Variants in ADAMTS17 observed in about 807,000 individuals in gnomAD.
The protein encoded by ADAMTS17 is A disintegrin and metalloproteinase with thrombospondin motifs 17.
In ADAMTS17, 113 loss-of-function variants were observed where a neutral mutation model predicts 141.5. The ratio of observed to expected loss-of-function variants is 0.80; its 90% confidence interval spans 0.69 to 0.93. The LOEUF is 0.93. ADAMTS17 is among the 40% of genes least tolerant of loss of function. The probability of loss-of-function intolerance (pLI) is 0.00; values close to 1 mark genes in which losing one functional copy is unlikely to be tolerated. For missense variants in ADAMTS17, 1,659 were observed against 1,517.9 expected, an observed-to-expected ratio of 1.09 and a Z score of -1.54; for synonymous variants, 768 against 630.6, an observed-to-expected ratio of 1.22 and a Z score of -3.27.
At chr15:100,248,961 G>A (rs538053703) in intron 7 of ADAMTS17, among the ~76,000 whole-genome samples, 1 of 152,206 alleles carries the variant, frequency 6.6e-6, no homozygotes, top group East Asian at 1.9e-4. Context: ...ACCACGCCTG[G>A]CTAATTTTTG....
At chr15:100,023,654 C>T (rs1435040476) in intron 18 of ADAMTS17, among the ~76,000 whole-genome samples, 1 of 152,186 alleles carries the variant, frequency 6.6e-6, no homozygotes, top group Non-Finnish European at 1.5e-5. Context: ...CAAGTCCTTG[C>T]CTTCTCCCTA....
chr15:100,258,510 A>T (rs887062612), intron 6 of ADAMTS17, among the ~76,000 whole-genome samples: 1 of 152,200 alleles, frequency 6.6e-6, no homozygotes, highest in Non-Finnish European at 1.5e-5. Flanking sequence ...AGGCCTCACA[A>T]TCATGGTGGA....
chr15:99,992,915 G>A (rs1045831224), intron 20 of ADAMTS17, 133 bp downstream of exon 20: 1 of 1,146,640 alleles, frequency 8.7e-7, no homozygotes, highest in African/African-American at 1.5e-5. Flanking sequence ...TGCAGCGGGT[G>A]GAAGGAAAAT....
At chr15:100,068,474 C>T (rs1357918051) in intron 15 of ADAMTS17, among the ~76,000 whole-genome samples, 1 of 152,222 alleles carries the variant, frequency 6.6e-6, no homozygotes, top group Non-Finnish European at 1.5e-5. Flanking sequence ...TCCCTGACCC[C>T]TGAGTAGCCT....
rs570428743 is a variant in ADAMTS17 at position 100,164,981 on chromosome 15, C to T, written c.1182-9661G>A. Among the ~76,000 whole-genome samples, 19 of 152,310 alleles carry T rather than the reference C, an allele frequency of 1.2e-4. No individual in the cohort carries two copies. The South Asian group carries it at 3.9e-3, about 32-fold the overall frequency. ...AGGGGATGAAGATGGTGGCCTAGGG[C>T]ACAGCCTCCCATTCTTTTTGGCTCC... On this transcript the variant is annotated intron_variant, in intron 8 of 21. Transcript: ENST00000268070.
At chr15:99,992,953 C>T (rs766076211) in intron 20 of ADAMTS17, 95 bp downstream of exon 20, 16 of 1,496,508 alleles carry the variant, frequency 1.1e-5, no homozygotes, top group East Asian at 2.3e-5. Flanking sequence ...CTGGGACTGC[C>T]GCGTAGAATT....
At chr15:100,021,954 A>C (rs2061414028) in intron 18 of ADAMTS17, among the ~76,000 whole-genome samples, 1 of 152,022 alleles carries the variant, frequency 6.6e-6, no homozygotes, top group Admixed American at 6.6e-5. Flanking sequence ...GGCTCATCTG[A>C]GGCTCTCCAA....
intron 7 of ADAMTS17, among the ~76,000 whole-genome samples, chr15:100,233,750 G>A (rs2042564569): frequency 6.6e-6 from 1 of 152,100 alleles, no homozygotes; most frequent in African/African-American, 2.4e-5. Context: ...AAGAGAGCGA[G>A]TTATGGAGAT....
chr15:99,986,373 T>C (rs2573593), intron 20 of ADAMTS17, among the ~76,000 whole-genome samples: 10,615 of 152,244 alleles, frequency 0.07, 1,105 homozygotes, highest in African/African-American at 0.23. Context: ...ACACATGAAC[T>C]TGACCTCAGA....
At chr15:100,302,739 G>T (rs1294108039) in intron 3 of ADAMTS17, among the ~76,000 whole-genome samples, 1 of 152,182 alleles carries the variant, frequency 6.6e-6, no homozygotes, top group Non-Finnish European at 1.5e-5. Flanking sequence ...AATTTGACTG[G>T]ATTGAAGAAT....
At chr15:100,056,572 T>C (rs1449817862) in intron 15 of ADAMTS17, among the ~76,000 whole-genome samples, 1 of 152,170 alleles carries the variant, frequency 6.6e-6, no homozygotes, top group African/African-American at 2.4e-5. Context: ...TGCGCTCCTA[T>C]GAGAATCTAA....
intron 3 of ADAMTS17, among the ~76,000 whole-genome samples, chr15:100,303,443 C>T (rs1042960841): frequency 6.6e-6 from 1 of 151,454 alleles, no homozygotes; most frequent in African/African-American, 2.4e-5. Context: ...TCCTTTAAGA[C>T]ACAAAAGTTT....
At chr15:100,072,433 G>T (rs1202001674) in intron 15 of ADAMTS17, among the ~76,000 whole-genome samples, 2 of 140,002 alleles carry the variant, frequency 1.4e-5, no homozygotes, top group Non-Finnish European at 3.2e-5. Flanking sequence ...AACCAAAAAA[G>T]AGCCCGCATT....
At chr15:100,292,504 C>T (rs2044678264) in intron 3 of ADAMTS17, among the ~76,000 whole-genome samples, 5 of 150,100 alleles carry the variant, frequency 3.3e-5, no homozygotes. Context: ...GAGACACTCA[C>T]CCCGTGTGAA....
chr15:100,159,046 T>C (rs111235838), intron 8 of ADAMTS17, among the ~76,000 whole-genome samples: 2 of 152,248 alleles, frequency 1.3e-5, no homozygotes, highest in Middle Eastern at 3.4e-3. Context: ...ATAGATGCTA[T>C]GAAAAAAACA....
chr15:100,116,575 C>A (rs1445158048), intron 13 of ADAMTS17, among the ~76,000 whole-genome samples: 1 of 152,236 alleles, frequency 6.6e-6, no homozygotes, highest in African/African-American at 2.4e-5. Flanking sequence ...GGCAGGATGC[C>A]AGCACAGCCT....
chr15:100,245,612 A>G (rs1442745806), intron 7 of ADAMTS17, among the ~76,000 whole-genome samples: 1 of 152,250 alleles, frequency 6.6e-6, no homozygotes, highest in Non-Finnish European at 1.5e-5. Context: ...CCCTGGCAGG[A>G]AGAACAAGAA....
chr15:100,267,806 A>G (rs150208415), intron 4 of ADAMTS17, among the ~76,000 whole-genome samples: 1,734 of 152,334 alleles, frequency 0.011, 18 homozygotes, highest in Non-Finnish European at 0.017. Flanking sequence ...ATACAGGCAT[A>G]CAATGCATAA....
chr15:100,240,236 G>A (rs780100413), intron 7 of ADAMTS17, among the ~76,000 whole-genome samples: 2 of 152,190 alleles, frequency 1.3e-5, no homozygotes, highest in Non-Finnish European at 2.9e-5. Flanking sequence ...GACCAGAGCT[G>A]CAGGCACCTT....
Sources: allele counts gnomAD v4.1 joint callset (sites outside exome capture counted in the v4.1 genomes callset), GRCh38; gene constraint gnomAD v4.1.1; transcripts MANE v1.5; gene names NCBI Gene and HGNC (gene_info 2026-07-23, HGNC 2026-07-21).